The following DOCK1 variants were observed in gnomAD, a reference collection of about 807,000 sequenced individuals.
DOCK1 encodes dedicator of cytokinesis 1, also known as dedicator of cytokinesis protein 1.
DOCK1 carries 138 observed loss-of-function variants against 262.7 expected under a neutral mutation model. The ratio of observed to expected loss-of-function variants is 0.53; its 90% CI spans 0.46 to 0.61. The LOEUF is 0.61. Among genes scored for constraint, DOCK1 ranks in the 20% least tolerant of loss-of-function variants. The pLI, the probability that DOCK1 is intolerant of heterozygous loss-of-function variation, is 0.00. For missense variants in DOCK1, 1,908 were observed against 2,370.7 expected, an observed-to-expected ratio of 0.80 and a Z score of 4.05; for synonymous variants, 866 against 867.4, an observed-to-expected ratio of 1.00 and a Z score of 0.03.
chr10:127,391,987 A>T (rs1186555813), intron 38 of DOCK1, among the ~76,000 whole-genome samples: 1 of 115,288 alleles, frequency 8.7e-6, no homozygotes, highest in Non-Finnish European at 2.0e-5. Flanking sequence ...GGCCCCTTAG[A>T]GTAGGAATCG....
chr10:127,291,649 G>T (rs1171633969), intron 29 of DOCK1, among the ~76,000 whole-genome samples: 5 of 152,196 alleles, frequency 3.3e-5, no homozygotes, highest in African/African-American at 1.2e-4. Flanking sequence ...ATCAGCAGCT[G>T]AGCCTGCATC....
At chr10:127,105,204 G>A (rs1052332277) in intron 23 of DOCK1, among the ~76,000 whole-genome samples, 13 of 152,152 alleles carry the variant, frequency 8.5e-5, no homozygotes, top group Non-Finnish European at 1.9e-4. Context: ...GGCCTTCCCA[G>A]CCATGTGGAA....
intron 38 of DOCK1, chr10:127,402,610 C>A: frequency 2.0e-6 from 1 of 506,098 alleles, no homozygotes; most frequent in South Asian, 1.4e-5. Flanking sequence ...TTCGACATAG[C>A]ATTTTTTAGG....
intron 27 of DOCK1, among the ~76,000 whole-genome samples, chr10:127,244,045 G>A (rs530340293): frequency 3.3e-4 from 50 of 152,014 alleles, no homozygotes; most frequent in African/African-American, 1.1e-3. Flanking sequence ...TTTGCATAAT[G>A]TTTCTTGATT....
chr10:127,049,834 G>A (rs759701911), intron 21 of DOCK1, among the ~76,000 whole-genome samples: 4 of 152,000 alleles, frequency 2.6e-5, no homozygotes. Flanking sequence ...CAGTAACCAA[G>A]ATAGCATGGT....
At chr10:127,272,019 A>G (rs751469528) in intron 29 of DOCK1, 1 of 152,246 alleles carries the variant, frequency 6.6e-6, no homozygotes, top group African/African-American at 2.4e-5. Flanking sequence ...AGCCAACTGC[A>G]TGACATCAGT....
chr10:127,170,882 G>A (rs1467103398), intron 27 of DOCK1, among the ~76,000 whole-genome samples: 1 of 152,206 alleles, frequency 6.6e-6, no homozygotes. Flanking sequence ...ATTCATGCAA[G>A]CCCGCACTGC....
intron 27 of DOCK1, among the ~76,000 whole-genome samples, chr10:127,221,976 A>G (rs989799709): frequency 3.3e-5 from 5 of 152,214 alleles, no homozygotes; most frequent in East Asian, 1.9e-4. Context: ...GCCTCACTCA[A>G]AGGAGAGTAA....
chr10:127,149,611 A>T (rs1425360144), intron 27 of DOCK1, among the ~76,000 whole-genome samples: 1 of 152,116 alleles, frequency 6.6e-6, no homozygotes, highest in African/African-American at 2.4e-5. Context: ...GGAGAGGGTA[A>T]TTGGGTTTCG....
chr10:127,058,657 T>G (rs982076459), intron 22 of DOCK1, among the ~76,000 whole-genome samples: 3 of 151,166 alleles, frequency 2.0e-5, no homozygotes, highest in Non-Finnish European at 4.4e-5. Context: ...AAACATATTA[T>G]TTGAATATTC....
At chr10:126,974,981 C>T (rs961243269) in intron 2 of DOCK1, among the ~76,000 whole-genome samples, 2 of 152,076 alleles carry the variant, frequency 1.3e-5, no homozygotes, top group Non-Finnish European at 2.9e-5. Context: ...GCCTTTCATG[C>T]CTACTGCTTG....
At chr10:127,237,126 AG>A (rs1473337018) in intron 27 of DOCK1, among the ~76,000 whole-genome samples, 1 of 152,184 alleles carries the variant, frequency 6.6e-6, no homozygotes, top group Non-Finnish European at 1.5e-5. Flanking sequence ...TGGGAGGCCG[AG>A]GCGGGCAGAT....
At chr10:127,407,443 C>A (rs975187165) in intron 40 of DOCK1, among the ~76,000 whole-genome samples, 1 of 152,106 alleles carries the variant, frequency 6.6e-6, no homozygotes, top group Non-Finnish European at 1.5e-5. Flanking sequence ...TTTCCAGAGG[C>A]CCCACCTTCT....
intron 23 of DOCK1, among the ~76,000 whole-genome samples, chr10:127,089,801 A>G (rs986108848): frequency 1.4e-4 from 22 of 152,184 alleles, no homozygotes; most frequent in African/African-American, 5.3e-4. Context: ...TTCCCCAACT[A>G]GCTTTTCCTT....
intron 32 of DOCK1, among the ~76,000 whole-genome samples, chr10:127,358,666 G>A (rs540146352): frequency 5.9e-5 from 9 of 152,234 alleles, no homozygotes; most frequent in Admixed American, 4.6e-4. Flanking sequence ...GTTTTTTGGC[G>A]ACTGGGCAAA....
At chr10:127,184,681 T>G (rs1053831425) in intron 27 of DOCK1, among the ~76,000 whole-genome samples, 2 of 152,222 alleles carry the variant, frequency 1.3e-5, no homozygotes, top group African/African-American at 4.8e-5. Context: ...ATCTGCTGAC[T>G]TCCATTAAGC....
chr10:127,183,249 A>C (rs2055912011), intron 27 of DOCK1, among the ~76,000 whole-genome samples: 1 of 152,104 alleles, frequency 6.6e-6, no homozygotes, highest in African/African-American at 2.4e-5. Context: ...CAATCAGGGC[A>C]GGATATCTGC....
intron 27 of DOCK1, among the ~76,000 whole-genome samples, chr10:127,193,544 C>G (rs2056894706): frequency 6.6e-6 from 1 of 152,144 alleles, no homozygotes; most frequent in African/African-American, 2.4e-5. Context: ...CAGTAGTTGT[C>G]TCTAAATGAG....
chr10:127,416,588 G>A (rs1227864959), intron 44 of DOCK1, among the ~76,000 whole-genome samples: 1 of 152,184 alleles, frequency 6.6e-6, no homozygotes, highest in East Asian at 1.9e-4. Context: ...ATCCCAGAAT[G>A]GCAGGACTCA....
Sources: gnomAD v4.1 joint callset for allele counts (sites outside exome capture counted in the v4.1 genomes callset) on GRCh38, gnomAD v4.1.1 for gene constraint, MANE v1.5 for transcripts, NCBI Gene and HGNC (gene_info 2026-07-23, HGNC 2026-07-21) for gene names.